Variants in ZNF536 observed in about 807,000 individuals in gnomAD.
ZNF536 encodes the protein zinc finger protein 536.
Under a neutral mutation model 84.5 loss-of-function variants are expected in ZNF536, and 13 were observed. The ratio of observed to expected loss-of-function variants is 0.15; its 90% CI spans 0.10 to 0.24. ZNF536 has a LOEUF of 0.24. Ranked by LOEUF, ZNF536 falls within the 10% of genes least tolerant of loss-of-function variation. The probability of loss-of-function intolerance (pLI) is 1.00; values close to 1 mark genes in which losing one functional copy is unlikely to be tolerated. For missense variants in ZNF536, 1,536 were observed against 1,747.5 expected, an observed-to-expected ratio of 0.88 and a Z score of 2.16; for synonymous variants, 811 against 742.5, an observed-to-expected ratio of 1.09 and a Z score of -1.50.
chr19:30,245,373 C>T lies in ZNF536; in HGVS notation c.-190+16700C>T, dbSNP rs563507431. Among the ~76,000 whole-genome samples, 36 of 152,346 alleles carry T rather than the reference C, an allele frequency of 2.4e-4. 1 individual carries two copies. Among genetic ancestry groups the T allele is most frequent in the Admixed American group, 2.2e-3 (34 of 15,308 alleles). On this transcript the variant is annotated intron_variant, in intron 1 of 5. Transcript: ENST00000585628. ...CTTCCCTCCACAGGACTAGACTCCCCAAAGCCAGGGCCCCTAACAGTCTCC... is the reference window on the plus strand; with the variant it reads ...CTTCCCTCCACAGGACTAGACTCCCTAAAGCCAGGGCCCCTAACAGTCTCC...
At chr19:30,484,067 C>T (rs947593866) in intron 2 of ZNF536, among the ~76,000 whole-genome samples, 7 of 152,054 alleles carry the variant, frequency 4.6e-5, no homozygotes, top group Non-Finnish European at 8.8e-5. Context: ...CCCAGCCCAT[C>T]CCCGCTGGTG....
At chr19:30,439,990 T>G (rs1229244423) in intron 1 of ZNF536, among the ~76,000 whole-genome samples, 1 of 137,684 alleles carries the variant, frequency 7.3e-6, no homozygotes, top group Non-Finnish European at 1.5e-5. Context: ...TGACAGAGTC[T>G]CGCTCTGTTG....
chr19:30,259,622 A>G (rs937940326), intron 1 of ZNF536, among the ~76,000 whole-genome samples: 1 of 152,178 alleles, frequency 6.6e-6, no homozygotes, highest in African/African-American at 2.4e-5. Flanking sequence ...CCCAATCCCC[A>G]TGTTCCAGAA....
At chr19:30,240,239 G>A (rs1483373712) in intron 1 of ZNF536, among the ~76,000 whole-genome samples, 1 of 152,142 alleles carries the variant, frequency 6.6e-6, no homozygotes, top group Non-Finnish European at 1.5e-5. Context: ...CAGGCATGGT[G>A]GCGGGTGCCT....
intron 2 of ZNF536, among the ~76,000 whole-genome samples, chr19:30,515,550 C>T (rs1028277721): frequency 3.3e-5 from 5 of 152,200 alleles, no homozygotes; most frequent in Admixed American, 2.0e-4. Flanking sequence ...TCTCAGACAG[C>T]GCTCTATGAT....
At chr19:30,371,890 C>T (rs1028401679), upstream of ZNF536, among the ~76,000 whole-genome samples, 14 of 151,884 alleles carry the variant, frequency 9.2e-5, no homozygotes, top group African/African-American at 3.1e-4. Flanking sequence ...CATTTAATAT[C>T]TGCCACCTTT....
At chr19:30,504,545 C>CCTCCCACCCTTCCTCCTTCCCTCT (rs1364941124) in intron 2 of ZNF536, among the ~76,000 whole-genome samples, 3 of 124,142 alleles carry the variant, frequency 2.4e-5, no homozygotes, top group Non-Finnish European at 5.1e-5. Context: ...ACCCACTCAT[C>CCTCCCACCCTTCCTCCTTCCCTCT]CTCCCACCCT....
intron 2 of ZNF536, among the ~76,000 whole-genome samples, chr19:30,498,684 C>A (rs1015014240): frequency 6.6e-6 from 1 of 152,124 alleles, no homozygotes; most frequent in Non-Finnish European, 1.5e-5. Flanking sequence ...GAGAGGAATG[C>A]ATTAAATAAG....
intron 1 of ZNF536, among the ~76,000 whole-genome samples, chr19:30,649,108 G>T (rs543651169): frequency 6.6e-6 from 1 of 152,280 alleles, no homozygotes; most frequent in Non-Finnish European, 1.5e-5. Flanking sequence ...CCCGACAGCT[G>T]CCCCAGACAG....
At position 30,443,968 on chromosome 19, in the gene ZNF536, G is replaced by T. The variant is rs1600751464; in HGVS notation, c.406G>T (p.Gly136Cys). ...KNRKYPCPLC[G>C]KRFRFNSILS... The stretch of plus-strand genomic sequence containing the variant: ...CCGCAAGTACCCGTGCCCACTCTGC[G>T]GCAAGCGCTTCCGCTTCAACAGCAT... Residue 136 changes from glycine to cysteine, a missense_variant, in exon 2 of 5, where the codon GGC becomes TGC. This residue lies in a region of ZNF536 where 13 missense variants were observed against 76.5 expected (regional missense o/e 0.17). Coordinates refer to ENST00000355537, the MANE Select transcript of ZNF536 (RefSeq NM_014717.3). 6.2e-7 allele frequency: 1 copy of T among 1,613,742 alleles called. No individual in the cohort carries two copies. The highest frequency in any genetic ancestry group is 8.5e-7 in the Non-Finnish European group (1 of 1,180,016).
chr19:30,561,725 C>T (rs2046175513), downstream of ZNF536, among the ~76,000 whole-genome samples: 1 of 152,206 alleles, frequency 6.6e-6, no homozygotes, highest in South Asian at 2.1e-4. Flanking sequence ...GGTATTTACA[C>T]ACCAGCTTTT....
At chr19:30,625,101 A>G (rs1393547251) in intron 1 of ZNF536, among the ~76,000 whole-genome samples, 2 of 152,202 alleles carry the variant, frequency 1.3e-5, no homozygotes, top group Non-Finnish European at 2.9e-5. Context: ...GGACTAATAT[A>G]CCAGGAATGC....
chr19:30,535,735 T>C (rs968155245), intron 3 of ZNF536, among the ~76,000 whole-genome samples: 6 of 151,440 alleles, frequency 4.0e-5, no homozygotes, highest in Admixed American at 1.3e-4. Flanking sequence ...AAAAAAAAAA[T>C]CTATCGGAGA....
At chr19:30,578,962 G>A (rs1015575187) in intron 1 of ZNF536, among the ~76,000 whole-genome samples, 2 of 152,156 alleles carry the variant, frequency 1.3e-5, no homozygotes, top group African/African-American at 4.8e-5. Flanking sequence ...CTGTGACCTT[G>A]GTCAGGCTGC....
At chr19:30,587,813 CATGCAA>C (rs1047957613) in intron 1 of ZNF536, among the ~76,000 whole-genome samples, 6 of 152,250 alleles carry the variant, frequency 3.9e-5, no homozygotes, top group African/African-American at 1.4e-4. Context: ...AGCCTGCATG[CATGCAA>C]ACCCTTTCTG....
At chr19:30,449,426 G>A (rs1259587579) in intron 2 of ZNF536, among the ~76,000 whole-genome samples, 4 of 152,246 alleles carry the variant, frequency 2.6e-5, no homozygotes, top group African/African-American at 4.8e-5. Flanking sequence ...TCGAATCCTC[G>A]CTTTGCTCTG....
In ZNF536 at chr19:30,428,270, G is replaced by A. The variant is rs559362789; in HGVS notation, c.-2-15291G>A. The stretch of plus-strand genomic sequence containing the variant: ...AGGGGAAGGAGGAGGAGAGGCAGGA[G>A]CAGACGCAGGCTTTGCAGAGCACCT... On this transcript the variant is annotated intron_variant, in intron 1 of 4. Coordinates refer to ENST00000355537, the MANE Select transcript of ZNF536 (RefSeq NM_014717.3). Among the ~76,000 whole-genome samples the A allele has an allele frequency of 2.0e-5, 3 of 152,332 alleles. No individual in the cohort carries two copies. The East Asian group carries it at 5.8e-4, about 29-fold the overall frequency.
chr19:30,567,394 C>T (rs969104176), intron 1 of ZNF536, among the ~76,000 whole-genome samples: 1 of 152,224 alleles, frequency 6.6e-6, no homozygotes, highest in Non-Finnish European at 1.5e-5. Flanking sequence ...CCTCCTATCC[C>T]CTCAGTGTCC....
At position 30,450,613 on chromosome 19, in the gene ZNF536, A is replaced by T. The variant is rs577589850; in HGVS notation, c.2170+4881A>T. On this transcript the variant is annotated intron_variant, in intron 2 of 4. Transcript: ENST00000355537. Reference sequence around the variant, plus strand: ...TAGCCCAGGCTCAAGCATGTGAGTGATGCCCTCTTAGATAGCCTCCTTCAT... The same window carrying T: ...TAGCCCAGGCTCAAGCATGTGAGTGTTGCCCTCTTAGATAGCCTCCTTCAT... Among the ~76,000 whole-genome samples, 6 of 152,338 alleles carry T rather than the reference A, an allele frequency of 3.9e-5. No individual in the cohort carries two copies. The East Asian group carries it at 1.2e-3, about 29-fold the overall frequency.
Sources: allele counts gnomAD v4.1 joint callset (sites outside exome capture counted in the v4.1 genomes callset), GRCh38; gene constraint gnomAD v4.1.1; regional missense constraint gnomAD v4.1.1; transcripts MANE v1.5; gene names NCBI Gene and HGNC (gene_info 2026-07-23, HGNC 2026-07-21).